Variants in TPR observed in about 807,000 individuals in gnomAD.
TPR encodes nucleoprotein TPR.
In TPR, 51 loss-of-function variants were observed where a neutral mutation model predicts 316.1. The ratio of observed to expected loss-of-function variants is 0.16; its 90% CI spans 0.13 to 0.20. The LOEUF (loss-of-function observed/expected upper bound fraction) is 0.20, where lower values mean the gene tolerates loss of function less well. TPR is among the 10% of genes least tolerant of loss of function. The pLI is 1.00. For missense variants in TPR, 2,272 were observed against 2,754.8 expected (o/e 0.82, Z 3.92); for synonymous variants, 981 against 914.7 (o/e 1.07, Z -1.31).
At chr1:186,324,091 CT>C in intron 42 of TPR, among the ~76,000 whole-genome samples, 2 of 152,220 alleles carry the variant, frequency 1.3e-5, no homozygotes, top group East Asian at 3.9e-4. Context: ...CCCTTAACCT[CT>C]TTGAGTCTAT....
rs771006658 is a variant in TPR at position 186,355,062 on chromosome 1, G to A, written c.2171+348C>T. On this transcript the variant is annotated intron_variant, in intron 17 of 50. Transcript: ENST00000367478. The stretch of plus-strand genomic sequence containing the variant: ...GGGATTACAAGCATGCAACACTGCC[G>A]CTCAGCTAATTTTTGTATTTTTAGT... Among the ~76,000 whole-genome samples, 11 of 151,978 alleles carry A rather than the reference G, an allele frequency of 7.2e-5. No homozygotes were observed. The East Asian group carries it at 1.9e-3, about 27-fold the overall frequency.
At chr1:186,350,075 T>C (rs1345180679) in intron 21 of TPR, 148 bp downstream of exon 21, 6 of 723,458 alleles carry the variant, frequency 8.3e-6, no homozygotes, top group Admixed American at 3.6e-5. Context: ...TGAGTACCAC[T>C]ATATAAAGAA....
intron 27 of TPR, 69 bp from the exon 28 acceptor site, chr1:186,341,458 C>T: frequency 6.8e-7 from 1 of 1,470,222 alleles, no homozygotes; most frequent in African/African-American, 1.4e-5. Flanking sequence ...TTCCTATGAG[C>T]TCAAATCCTC....
chr1:186,332,405 T>G (rs777633091), intron 37 of TPR, 62 bp from the exon 38 acceptor site: 1 of 1,564,310 alleles, frequency 6.4e-7, no homozygotes, highest in Non-Finnish European at 8.7e-7. Context: ...ATAAAGATAG[T>G]TTACCCAATA....
At position 186,347,280 on chromosome 1, in the gene TPR, A is replaced by C; in HGVS notation, c.2943+12T>G. 6.2e-7 allele frequency: 1 copy of C among 1,612,608 alleles called. No individual in the cohort carries two copies. Among genetic ancestry groups the C allele is most frequent in the Admixed American group, 1.7e-5 (1 of 59,874 alleles). On this transcript the variant is annotated intron_variant, in intron 22 of 50. Transcript: ENST00000367478. ...TGTTGAGATTGAATTCTGAATTCAG[A>C]ATTATACATACCTGTTTTTCCTTGT...
chr1:186,341,555 G>A (rs548015418), intron 27 of TPR, 166 bp from the exon 28 acceptor site: 26 of 614,622 alleles, frequency 4.2e-5, no homozygotes, highest in African/African-American at 3.9e-4. Flanking sequence ...TGAGGCATGC[G>A]AACTGCAGAC....
Position 186,350,637 on chromosome 1 carries a change from A to G in TPR, c.2611-249T>C, listed in dbSNP as rs192534204. ...TTTAAAAGTTTCCAGGCTATGACACAGGAAAGAGGAAATGAGGCAGAGCCC... is the reference window on the plus strand; with the variant it reads ...TTTAAAAGTTTCCAGGCTATGACACGGGAAAGAGGAAATGAGGCAGAGCCC... On this transcript the variant is annotated intron_variant, in intron 20 of 50. Transcript: ENST00000367478. Among the ~76,000 whole-genome samples, 358 of 152,276 alleles carry G rather than the reference A, an allele frequency of 2.4e-3. 5 individuals are homozygous for G. The highest frequency in any genetic ancestry group is 8.3e-3 in the African/African-American group (345 of 41,552).
At position 186,355,679 on chromosome 1, in the gene TPR, T is replaced by C. The variant is rs1659007963; in HGVS notation, c.1978A>G (p.Ile660Val). 6.2e-7 allele frequency: 1 copy of C among 1,614,156 alleles called. No individual in the cohort carries two copies. ...GCCTCTATAGCCTCTGTTGATTCAA[T>C]AACAGGTACTGGAGCAGGAGTGGAA... ...TVSTPAPVPV[I>V]ESTEAIEAKA... The change falls in exon 16 of 51, where the codon ATT (isoleucine) becomes GTT (valine). Residue 660 changes from isoleucine to valine, a missense_variant. Ile to Val is a conservative substitution (Grantham distance 29). Coordinates refer to ENST00000367478, the MANE Select transcript of TPR (RefSeq NM_003292.3).
At chr1:186,345,447 TTGTC>T in intron 24 of TPR, 129 bp downstream of exon 24, 1 of 687,256 alleles carries the variant, frequency 1.5e-6, no homozygotes, top group Non-Finnish European at 2.5e-6. Context: ...TCAATTTGTC[TTGTC>T]TAAGTTCCAC....
chr1:186,366,457 T>G (rs2101989292), intron 4 of TPR, among the ~76,000 whole-genome samples: 1 of 152,308 alleles, frequency 6.6e-6, no homozygotes, highest in South Asian at 2.1e-4. Flanking sequence ...TTGGTAGGGC[T>G]TCTAGTTAAC....
intron 15 of TPR, 92 bp from the exon 16 acceptor site, chr1:186,355,860 T>C: frequency 1.4e-6 from 2 of 1,385,578 alleles, no homozygotes; most frequent in Admixed American, 2.2e-5. Flanking sequence ...TATTATCAAA[T>C]AAACAAGCTA....
chr1:186,344,729 C>G, intron 24 of TPR, 151 bp from the exon 25 acceptor site: 2 of 600,960 alleles, frequency 3.3e-6, no homozygotes, highest in Non-Finnish European at 5.0e-6. Flanking sequence ...AAAGTTAATG[C>G]TTTAGTTACT....
chr1:186,338,518 G>A (rs1235539757), intron 30 of TPR, among the ~76,000 whole-genome samples: 1 of 152,140 alleles, frequency 6.6e-6, no homozygotes, highest in Non-Finnish European at 1.5e-5. Flanking sequence ...ATCAAGTGAT[G>A]GTACCCAGAT....
At chr1:186,346,529 A>C (rs918472071) in intron 22 of TPR, among the ~76,000 whole-genome samples, 1 of 152,160 alleles carries the variant, frequency 6.6e-6, no homozygotes, top group Non-Finnish European at 1.5e-5. Context: ...TGAAATTTCC[A>C]ATCTCTCATT....
In TPR at chr1:186,340,999, T is replaced by C. The variant is rs149684121; in HGVS notation, c.4020+29A>G. 981 of 1,593,652 alleles carry C rather than the reference T, an allele frequency of 6.2e-4. 8 individuals are homozygous for C. The South Asian group carries it at 9.2e-3, about 15-fold the overall frequency. ...CTATTATTAAAAACACGTGTTTCCA[T>C]GTTTTGGAAGAGTTTTAACTGCATT... On this transcript the variant is annotated intron_variant, in intron 29 of 50. Coordinates refer to ENST00000367478, the MANE Select transcript of TPR (RefSeq NM_003292.3).
At chr1:186,337,936 G>A (rs144979307) in intron 31 of TPR, 97 bp downstream of exon 31, 21 of 960,260 alleles carry the variant, frequency 2.2e-5, no homozygotes, top group Middle Eastern at 3.3e-4. Context: ...ACACGATTTC[G>A]GTATCTAAAA....
chr1:186,312,776 T>C lies in TPR; in HGVS notation c.*1195A>G. 1 of 1,613,012 alleles carries C rather than the reference T, an allele frequency of 6.2e-7. No individual in the cohort carries two copies. Among genetic ancestry groups the C allele is most frequent in the African/African-American group, 1.3e-5 (1 of 75,018 alleles). On this transcript the variant is annotated 3_prime_UTR_variant, in exon 51 of 51. Transcript: ENST00000367478. Reference sequence around the variant, plus strand: ...TAAACATGCCACTTACAGGTGTCCTTCATAATGAAGTTAAAGTGAGTATAC... The same window carrying C: ...TAAACATGCCACTTACAGGTGTCCTCCATAATGAAGTTAAAGTGAGTATAC...
In TPR at chr1:186,368,197, C is replaced by A. The variant is rs571471798; in HGVS notation, c.331-215G>T. On this transcript the variant is annotated intron_variant, in intron 3 of 50. Coordinates refer to ENST00000367478, the MANE Select transcript of TPR (RefSeq NM_003292.3). ...TTTTACTAGGCTTATGAAAATTTTT[C>A]TCATATCTCTTTTAATCACATGGAA... 1.7e-3 allele frequency among the ~76,000 whole-genome samples: 253 copies of A among 152,184 alleles called. 1 individual carries two copies. Among genetic ancestry groups the A allele is most frequent in the Non-Finnish European group, 2.6e-3 (180 of 67,984 alleles).
intron 15 of TPR, among the ~76,000 whole-genome samples, 168 bp downstream of exon 15, chr1:186,356,118 A>T (rs1659021680): frequency 6.6e-6 from 1 of 152,222 alleles, no homozygotes; most frequent in Non-Finnish European, 1.5e-5. Context: ...TTTTAGCAAT[A>T]CATAAAATAA....
Sources: allele counts gnomAD v4.1 joint callset (sites outside exome capture counted in the v4.1 genomes callset), GRCh38; gene constraint gnomAD v4.1.1; transcripts MANE v1.5; gene names NCBI Gene and HGNC (gene_info 2026-07-23, HGNC 2026-07-21).